Variants in HDAC5 observed in about 807,000 individuals in gnomAD.
HDAC5 encodes the protein antigen NY-CO-9.
HDAC5 carries 25 observed loss-of-function variants against 133.3 expected under a neutral mutation model. The ratio of observed to expected loss-of-function variants is 0.19; its 90% confidence interval spans 0.14 to 0.26. The LOEUF is 0.26. HDAC5 is among the 10% of genes least tolerant of loss of function. The pLI, the probability that HDAC5 is intolerant of heterozygous loss-of-function variation, is 1.00. For synonymous variants in HDAC5, 589 were observed against 610.8 expected, an observed-to-expected ratio of 0.96 and a Z score of 0.53; for missense variants, 1,041 against 1,460.5, an observed-to-expected ratio of 0.71 and a Z score of 4.68.
chr17:44,095,253 C>G (rs1375373380), intron 3 of HDAC5, among the ~76,000 whole-genome samples: 1 of 152,192 alleles, frequency 6.6e-6, no homozygotes, highest in Non-Finnish European at 1.5e-5. Context: ...CCAGACACAG[C>G]TAGGTGATCC....
At chr17:44,085,385 G>A in intron 14 of HDAC5, 2 of 380,486 alleles carry the variant, frequency 5.3e-6, no homozygotes. Context: ...GGAGTGGAGT[G>A]TGTAGTGGTG....
rs748967449 is a variant in HDAC5 at position 44,087,640 on chromosome 17, T to C, written c.1656A>G (p.Thr552=). The C allele has an allele frequency of 7.4e-6, 12 of 1,613,120 alleles. No individual in the cohort carries two copies. The highest frequency in any genetic ancestry group is 1.7e-5 in the Admixed American group (1 of 59,996). ...CCTGCTGCTCCGTCAGCTCCTCCTC[T>C]GTCTCCTCAGGGTGGGTGGTGGGCT... is the stretch of plus-strand genomic sequence containing the variant. ...PRQPTTHPEE[T]EEELTEQQEV... The change falls in exon 13 of 27, where the codon ACA becomes ACG. Residue 552 remains threonine, a synonymous_variant. Transcript: ENST00000682912.
intron 3 of HDAC5, among the ~76,000 whole-genome samples, chr17:44,097,132 T>C (rs1016202266): frequency 6.6e-6 from 1 of 152,234 alleles, no homozygotes; most frequent in African/African-American, 2.4e-5. Context: ...CCAGAGAACC[T>C]AGCACTGAAT....
At chr17:44,100,571 A>G (rs977813371) in intron 3 of HDAC5, among the ~76,000 whole-genome samples, 1 of 96,366 alleles carries the variant, frequency 1.0e-5, no homozygotes, top group African/African-American at 3.2e-5. Flanking sequence ...CGTCTCTACT[A>G]AAGATACAAA....
chr17:44,093,130 G>T lies in HDAC5; in HGVS notation c.603C>A (p.Gly201=), dbSNP rs576173234. ...GCTGTGGGAGGGAATGGTTGAGGCC[G>T]CCTGGTGTGGGCTCCTTTGACTTCG... The part of the protein sequence containing the change: ...LLSKSKEPTP[G]GLNHSLPQHP... Residue 201 remains glycine (G), a synonymous_variant, in exon 6 of 27, where the codon GGC becomes GGA. Coordinates refer to ENST00000682912, the MANE Select transcript of HDAC5 (RefSeq NM_005474.5). The T allele has an allele frequency of 6.2e-6, 10 of 1,613,586 alleles. No individual in the cohort carries two copies. The Admixed American group carries it at 1.3e-4, about 22-fold the overall frequency.
chr17:44,090,063 G>A (rs529776632), intron 11 of HDAC5, among the ~76,000 whole-genome samples: 9 of 151,554 alleles, frequency 5.9e-5, no homozygotes, highest in Non-Finnish European at 8.8e-5. Flanking sequence ...TGAAACCCCA[G>A]CTCTATTAAA....
intron 3 of HDAC5, among the ~76,000 whole-genome samples, chr17:44,094,787 T>G (rs1362802129): frequency 6.6e-6 from 1 of 151,892 alleles, no homozygotes; most frequent in Admixed American, 6.6e-5. Flanking sequence ...CATACATATG[T>G]GTGTGTATTT....
intron 3 of HDAC5, among the ~76,000 whole-genome samples, chr17:44,094,722 G>GT (rs2051153315): frequency 6.8e-6 from 1 of 146,100 alleles, no homozygotes; most frequent in Non-Finnish European, 1.5e-5. Flanking sequence ...CTGTGTGTGT[G>GT]TGTGTATATA....
At chr17:44,106,136 G>A (rs1249402467) in intron 3 of HDAC5, among the ~76,000 whole-genome samples, 1 of 152,168 alleles carries the variant, frequency 6.6e-6, no homozygotes, top group Non-Finnish European at 1.5e-5. Flanking sequence ...CTGATTTCCT[G>A]TCTGGCAGCT....
rs531539263 is a variant in HDAC5, at chr17:44,098,589, G to C, written c.95-4755C>G. ...CCCCATCTCTACTAAAAAATACAAAGATTAGTTGGGTGCGGTAGCGGGCAC... is the reference window on the plus strand; with the variant it reads ...CCCCATCTCTACTAAAAAATACAAACATTAGTTGGGTGCGGTAGCGGGCAC... On this transcript the variant is annotated intron_variant, in intron 3 of 26. Coordinates refer to ENST00000682912, the MANE Select transcript of HDAC5 (RefSeq NM_005474.5). Among the ~76,000 whole-genome samples the C allele has an allele frequency of 1.0e-3, 149 of 148,660 alleles. 1 individual carries two copies. The highest frequency in any genetic ancestry group is 3.0e-3 in the Admixed American group (44 of 14,904).
In HDAC5 at chr17:44,083,858, C is replaced by T; in HGVS notation, c.2306-4G>A. 6.2e-7 allele frequency: 1 copy of T among 1,613,614 alleles called. No homozygotes were observed. Among genetic ancestry groups the T allele is most frequent in the Non-Finnish European group, 8.5e-7 (1 of 1,179,736 alleles). On this transcript the variant is annotated splice_polypyrimidine_tract_variant and splice_region_variant and intron_variant, in intron 16 of 26. Coordinates refer to ENST00000682912, the MANE Select transcript of HDAC5 (RefSeq NM_005474.5). The stretch of plus-strand genomic sequence containing the variant: ...TACATCTTCTGGCTGATGGGGCCTG[C>T]ATGGAAGAGGAATAGAGCTACTCTA...
At chr17:44,101,686 G>A (rs1382792482) in intron 3 of HDAC5, among the ~76,000 whole-genome samples, 2 of 152,160 alleles carry the variant, frequency 1.3e-5, no homozygotes, top group African/African-American at 4.8e-5. Context: ...TAGAGAGGCT[G>A]CTCTGCAGAT....
At chr17:44,091,921 A>T in intron 9 of HDAC5, 90 bp from the exon 10 acceptor site, 1 of 1,423,198 alleles carries the variant, frequency 7.0e-7, no homozygotes, top group South Asian at 1.4e-5. Flanking sequence ...AAGGTCTCTG[A>T]ATGGTGCCCA....
chr17:44,087,158 G>A (rs2050702427), intron 13 of HDAC5, among the ~76,000 whole-genome samples: 1 of 151,724 alleles, frequency 6.6e-6, no homozygotes, highest in Non-Finnish European at 1.5e-5. Context: ...CACACAAGCA[G>A]AGAGGCAGGC....
chr17:44,083,672 G>A lies in HDAC5; in HGVS notation c.2356-20C>T. Reference sequence around the variant, plus strand: ...GTCCACCTGCAGGGCAGGAGAGCAGGTTTCAGTGTGCCCCCTGCAGGGCAA... The same window carrying A: ...GTCCACCTGCAGGGCAGGAGAGCAGATTTCAGTGTGCCCCCTGCAGGGCAA... On this transcript the variant is annotated intron_variant, in intron 17 of 26. Transcript: ENST00000682912. 1 of 1,604,524 alleles carries A rather than the reference G, an allele frequency of 6.2e-7. No individual in the cohort carries two copies. Among genetic ancestry groups the A allele is most frequent in the Non-Finnish European group, 8.5e-7 (1 of 1,171,470 alleles).
rs529165726 is a variant in HDAC5, at chr17:44,102,960, C to A, written c.94+7769G>T. Among the ~76,000 whole-genome samples the A allele has an allele frequency of 5.3e-5, 8 of 152,294 alleles. No homozygotes were observed. The East Asian group carries it at 1.5e-3, about 29-fold the overall frequency. ...GGGATTACAGGCTTGAGCTACCGCCCCCGGCCCAGGTTCCCTTTATTTAAG... is the reference window on the plus strand; with the variant it reads ...GGGATTACAGGCTTGAGCTACCGCCACCGGCCCAGGTTCCCTTTATTTAAG... On this transcript the variant is annotated intron_variant, in intron 3 of 26. Coordinates refer to ENST00000682912, the MANE Select transcript of HDAC5 (RefSeq NM_005474.5).
chr17:44,085,314 T>A, intron 14 of HDAC5, 159 bp from the exon 15 acceptor site: 1 of 518,196 alleles, frequency 1.9e-6, no homozygotes, highest in Non-Finnish European at 3.1e-6. Flanking sequence ...ACCTGCCCCC[T>A]CTCCTCTCCA....
chr17:44,092,011 C>T (rs1373786152), intron 9 of HDAC5, among the ~76,000 whole-genome samples, 161 bp downstream of exon 9: 1 of 152,202 alleles, frequency 6.6e-6, no homozygotes, highest in Non-Finnish European at 1.5e-5. Flanking sequence ...AATTCCCCTT[C>T]AATGCAATTA....
chr17:44,122,308 G>A (rs79605584), intron 1 of HDAC5, among the ~76,000 whole-genome samples: 6,991 of 152,190 alleles, frequency 0.046, 196 homozygotes, highest in African/African-American at 0.077. Flanking sequence ...CTGCAATCCT[G>A]CAAGGCAATC....
Sources: gnomAD v4.1 joint callset for allele counts (sites outside exome capture counted in the v4.1 genomes callset) on GRCh38, gnomAD v4.1.1 for gene constraint, MANE v1.5 for transcripts, NCBI Gene and HGNC (gene_info 2026-07-23, HGNC 2026-07-21) for gene names.